Variants in DACH2 observed in about 807,000 individuals in gnomAD.
The protein encoded by DACH2 is dachshund homolog 2.
In DACH2, 17 loss-of-function variants were observed where a neutral mutation model predicts 35.8. That is an observed-to-expected ratio of 0.48 (90% CI 0.33 to 0.71). DACH2 has a LOEUF of 0.71. Ranked by LOEUF, DACH2 falls within the 30% of genes least tolerant of loss-of-function variation. The pLI is 0.02. For missense variants in DACH2, 469 were observed against 472.7 expected, an observed-to-expected ratio of 0.99 and a Z score of 0.07; for synonymous variants, 195 against 177.3, an observed-to-expected ratio of 1.10 and a Z score of -0.79.
At chrX:86,168,277 C>T (rs1470689412) in intron 1 of DACH2, among the ~76,000 whole-genome samples, 1 of 111,637 alleles carries the variant, frequency 9.0e-6, no homozygotes, top group African/African-American at 3.2e-5. Context: ...ACCCCTTTAT[C>T]ATTATATAGT....
chrX:86,389,991 C>A (rs984673478), intron 2 of DACH2, among the ~76,000 whole-genome samples: 1 of 111,891 alleles, frequency 8.9e-6, no homozygotes, highest in Admixed American at 9.5e-5. Context: ...TAAGATGACA[C>A]CATGGCAACA....
intron 3 of DACH2, among the ~76,000 whole-genome samples, chrX:86,604,598 C>G (rs1465880728): frequency 9.0e-5 from 10 of 111,629 alleles, no homozygotes; most frequent in African/African-American, 3.2e-4. Flanking sequence ...CCCCATGCTT[C>G]CCATCTCCCA....
chrX:86,391,945 T>G (rs1476073405), intron 2 of DACH2, among the ~76,000 whole-genome samples: 1 of 111,453 alleles, frequency 9.0e-6, no homozygotes, highest in Non-Finnish European at 1.9e-5. Context: ...TAGACACTAA[T>G]AATTTATTTT....
chrX:86,646,180 C>G (rs1296229290), intron 3 of DACH2, among the ~76,000 whole-genome samples: 1 of 111,290 alleles, frequency 9.0e-6, no homozygotes, highest in Non-Finnish European at 1.9e-5. Flanking sequence ...TTAAGTGCAA[C>G]AAGTCAGAAA....
intron 3 of DACH2, among the ~76,000 whole-genome samples, chrX:86,599,466 T>TTTCCTTTCTTTCTTTC: frequency 1.6e-5 from 1 of 62,780 alleles, no homozygotes; most frequent in African/African-American, 6.8e-5. Flanking sequence ...TCCTTCCTTC[T>TTTCCTTTCTTTCTTTC]TTTCTTTCTT....
intron 7 of DACH2, chrX:86,799,129 G>A (rs1307496548): frequency 3.1e-6 from 1 of 326,993 alleles, no homozygotes; most frequent in Admixed American, 3.6e-5. Context: ...CACTGGGGGT[G>A]CAGCAGTTCC....
intron 4 of DACH2, among the ~76,000 whole-genome samples, chrX:86,660,812 C>T (rs1039521586): frequency 3.1e-4 from 34 of 110,974 alleles, no homozygotes; most frequent in Admixed American, 2.5e-3. Context: ...CATATATACT[C>T]TTATTATTTT....
intron 1 of DACH2, among the ~76,000 whole-genome samples, chrX:86,349,341 T>C (rs778673809): frequency 8.9e-6 from 1 of 112,034 alleles, no homozygotes; most frequent in South Asian, 3.7e-4. Flanking sequence ...TGGTGTGCTC[T>C]TCCACCTGTG....
In DACH2 at chrX:86,651,100, C is replaced by T. The variant is rs1297412049; in HGVS notation, c.705C>T (p.Asn235=). ...AGAAGATGAAGCTTATGGCTATGAA[C>T]ACTCTTCAGGGAAATGGAAGCCAAA... ...KLQKMKLMAM[N]TLQGNGSQNG... is the part of the protein sequence containing the mutation. The change falls in exon 4 of 12, where the codon AAC becomes AAT. Residue 235 remains asparagine, a synonymous_variant. Transcript: ENST00000373125. The T allele has an allele frequency of 3.3e-6, 4 of 1,209,343 alleles. No individual in the cohort carries two copies. Among genetic ancestry groups the T allele is most frequent in the East Asian group, 3.0e-5 (1 of 33,718 alleles).
chrX:86,213,513 T>G (rs2147915849), intron 1 of DACH2, among the ~76,000 whole-genome samples: 1 of 111,636 alleles, frequency 9.0e-6, no homozygotes, highest in Admixed American at 9.5e-5. Flanking sequence ...TATCTATTTT[T>G]AAGTCTCGTT....
At chrX:86,289,427 T>A (rs1172239039) in intron 1 of DACH2, among the ~76,000 whole-genome samples, 2 of 108,230 alleles carry the variant, frequency 1.8e-5, no homozygotes, top group Admixed American at 2.0e-4. Context: ...TTTATTTATT[T>A]ATTATTATTA....
rs138604253 is a variant in DACH2, at chrX:86,768,192, C to T, written c.1240+28310C>T. On this transcript the variant is annotated intron_variant, in intron 7 of 11. Coordinates refer to ENST00000373125, the MANE Select transcript of DACH2 (RefSeq NM_053281.3). ...CAGGATAGATTAGAAGAGGAAAAAACTAAAGCTGTGTTTTCTGTGAAAATT... is the reference window on the plus strand; with the variant it reads ...CAGGATAGATTAGAAGAGGAAAAAATTAAAGCTGTGTTTTCTGTGAAAATT... Among the ~76,000 whole-genome samples the T allele has an allele frequency of 8.9e-3, 995 of 111,410 alleles. 4 individuals are homozygous for T. The highest frequency in any genetic ancestry group is 0.015 in the Non-Finnish European group (787 of 53,014).
At chrX:86,523,573 G>A (rs1298312834) in intron 3 of DACH2, among the ~76,000 whole-genome samples, 1 of 111,343 alleles carries the variant, frequency 9.0e-6, no homozygotes. Flanking sequence ...AATCTCTAAA[G>A]GCTTGTAGGT....
chrX:86,751,160 C>A (rs2041768578), intron 7 of DACH2, among the ~76,000 whole-genome samples: 1 of 110,426 alleles, frequency 9.1e-6, no homozygotes, highest in East Asian at 2.9e-4. Flanking sequence ...CAAAACCTGG[C>A]AGAGTTTTCA....
At chrX:86,554,448 C>G (rs1282849775) in intron 3 of DACH2, among the ~76,000 whole-genome samples, 1 of 111,442 alleles carries the variant, frequency 9.0e-6, no homozygotes, top group African/African-American at 3.3e-5. Flanking sequence ...ATAGAAAGTT[C>G]TACAGATTTT....
chrX:86,471,661 A>C (rs2037762621), intron 2 of DACH2, among the ~76,000 whole-genome samples: 1 of 111,375 alleles, frequency 9.0e-6, no homozygotes, highest in Admixed American at 9.6e-5. Context: ...GAAGAGAGAC[A>C]GTTGACAGGC....
At chrX:86,527,652 C>T (rs2038653575) in intron 3 of DACH2, among the ~76,000 whole-genome samples, 1 of 112,049 alleles carries the variant, frequency 8.9e-6, no homozygotes, top group Admixed American at 9.5e-5. Flanking sequence ...ATTGACACTG[C>T]TTTAAGGCTT....
chrX:86,709,463 A>G (rs2041254829), intron 5 of DACH2, among the ~76,000 whole-genome samples: 1 of 112,313 alleles, frequency 8.9e-6, no homozygotes, highest in Non-Finnish European at 1.9e-5. Context: ...TTAGAAGATA[A>G]CATCAGAGAA....
intron 6 of DACH2, among the ~76,000 whole-genome samples, chrX:86,722,437 C>T (rs1166103862): frequency 9.0e-6 from 1 of 111,453 alleles, no homozygotes. Flanking sequence ...CAGCTGCAAA[C>T]TCCTGGGCTC....
Sources: allele counts gnomAD v4.1 joint callset (sites outside exome capture counted in the v4.1 genomes callset), GRCh38; gene constraint gnomAD v4.1.1; transcripts MANE v1.5; gene names NCBI Gene and HGNC (gene_info 2026-07-23, HGNC 2026-07-21).